ODR4: variants seen among roughly 807,000 people sequenced by gnomAD.
ODR4 encodes the protein odr-4 GPCR localization factor homolog, also known as protein odr-4 homolog.
Under a neutral mutation model 60.2 loss-of-function variants are expected in ODR4, and 47 were observed. That is an observed-to-expected ratio of 0.78 (90% CI 0.62 to 1.00). The LOEUF is 1.00. ODR4 is among the 50% of genes least tolerant of loss of function. The pLI, the probability that ODR4 is intolerant of heterozygous loss-of-function variation, is 0.00. For synonymous variants in ODR4, 178 were observed against 175.5 expected, an observed-to-expected ratio of 1.01 and a Z score of -0.11; for missense variants, 488 against 530.8, an observed-to-expected ratio of 0.92 and a Z score of 0.79.
chr1:186,377,949 G>A (rs1168288809), intron 1 of ODR4, among the ~76,000 whole-genome samples: 2 of 152,174 alleles, frequency 1.3e-5, no homozygotes, highest in East Asian at 1.9e-4. Flanking sequence ...GGAGGCTGAG[G>A]CAGGAGAATG....
intron 11 of ODR4, chr1:186,401,466 T>TTCTA (rs1553236824): frequency 5.4e-5 from 11 of 203,008 alleles, no homozygotes; most frequent in Non-Finnish European, 1.2e-4. Flanking sequence ...TCGTCCGTCT[T>TTCTA]TCTGTCTGTC....
At chr1:186,386,211 T>C in intron 4 of ODR4, 128 bp downstream of exon 4, 2 of 528,478 alleles carry the variant, frequency 3.8e-6, no homozygotes, top group Admixed American at 4.1e-5. Flanking sequence ...TGGGGTTACA[T>C]TGAAAAAGCT....
rs143147690 is a variant in ODR4, at chr1:186,402,110, G to A, written c.1000+3066G>A. On this transcript the variant is annotated intron_variant, in intron 11 of 13. Transcript: ENST00000287859. ...CTTTTTCTTCTTCCTTTCTTTCTAC[G>A]AAGACAAGTTCTCTGGTTCTGTGTC... 5.6e-3 allele frequency among the ~76,000 whole-genome samples: 845 copies of A among 151,244 alleles called. 6 individuals are homozygous for A. Among genetic ancestry groups the A allele is most frequent in the African/African-American group, 0.019 (779 of 41,188 alleles).
intron 4 of ODR4, among the ~76,000 whole-genome samples, chr1:186,387,344 T>G (rs1286569362): frequency 6.6e-6 from 1 of 152,204 alleles, no homozygotes; most frequent in South Asian, 2.1e-4. Flanking sequence ...TTTTGAAATT[T>G]AACCGAAATC....
At position 186,418,506 on chromosome 1, in the gene ODR4, A is replaced by G. The variant is rs139926851; in HGVS notation, c.1298-503A>G. Among the ~76,000 whole-genome samples the G allele has an allele frequency of 1.5e-4, 23 of 152,244 alleles. No individual in the cohort carries two copies. The East Asian group carries it at 4.2e-3, about 28-fold the overall frequency. On this transcript the variant is annotated intron_variant, in intron 13 of 13. Transcript: ENST00000287859. Reference sequence around the variant, plus strand: ...GGGGATTTTCTTTCTTTAGCTTACTATAATCAGGAAAAAATAAAAGTTACA... The same window carrying G: ...GGGGATTTTCTTTCTTTAGCTTACTGTAATCAGGAAAAAATAAAAGTTACA...
At chr1:186,393,109 C>T (rs1166428447) in intron 8 of ODR4, among the ~76,000 whole-genome samples, 2 of 152,014 alleles carry the variant, frequency 1.3e-5, no homozygotes, top group African/African-American at 2.4e-5. Flanking sequence ...AACACATGGA[C>T]ACATAGAGGG....
chr1:186,385,944 A>G (rs1660232861), intron 3 of ODR4, 44 bp from the exon 4 acceptor site: 2 of 1,250,712 alleles, frequency 1.6e-6, no homozygotes, highest in Admixed American at 1.9e-5. Flanking sequence ...AAAGGATTGC[A>G]TATAATGCCA....
chr1:186,396,760 T>TAGATAGATAGATAG (rs879338626), intron 9 of ODR4, among the ~76,000 whole-genome samples: 28 of 117,140 alleles, frequency 2.4e-4, no homozygotes, highest in African/African-American at 8.5e-4. Context: ...TAGATAGATA[T>TAGATAGATAGATAG]ATGTATATAC....
intron 12 of ODR4, 82 bp downstream of exon 12, chr1:186,406,350 T>C: frequency 9.3e-7 from 1 of 1,075,212 alleles, no homozygotes; most frequent in Non-Finnish European, 1.3e-6. Context: ...AAATATCATG[T>C]CTTTAGATTT....
At chr1:186,391,635 T>G in intron 7 of ODR4, 61 bp from the exon 8 acceptor site, 2 of 1,003,884 alleles carry the variant, frequency 2.0e-6, no homozygotes, top group African/African-American at 3.2e-5. Flanking sequence ...AAGTAGATTA[T>G]AGGAAGTTTA....
the ODR4 span, among the ~76,000 whole-genome samples, chr1:186,430,185 T>G: frequency 1.3e-5 from 2 of 152,124 alleles, no homozygotes; most frequent in Non-Finnish European, 2.9e-5. Context: ...AAATAACTAT[T>G]ATCTTTGTCT....
In ODR4 at chr1:186,419,288, C is replaced by G. The variant is rs987360523; in HGVS notation, c.*212C>G. 1 of 554,744 alleles carries G rather than the reference C, an allele frequency of 1.8e-6. No individual in the cohort carries two copies. The highest frequency in any genetic ancestry group is 1.9e-5 in the African/African-American group (1 of 53,008). The allele number at this position is 554,744 out of a possible 1,614,324, so 34.4% of individuals were successfully genotyped here. On this transcript the variant is annotated 3_prime_UTR_variant, in exon 14 of 14. Coordinates refer to ENST00000287859, the MANE Select transcript of ODR4 (RefSeq NM_017847.6). ...AGGTGGCCCGCATTTCCAGAAATAACGTTATGCATCTAGATGGAAGCTGCA... is the reference window on the plus strand; with the variant it reads ...AGGTGGCCCGCATTTCCAGAAATAAGGTTATGCATCTAGATGGAAGCTGCA...
intron 12 of ODR4, among the ~76,000 whole-genome samples, chr1:186,414,035 G>A (rs1226401781): frequency 6.6e-6 from 1 of 152,068 alleles, no homozygotes; most frequent in Non-Finnish European, 1.5e-5. Context: ...GAATCACTGT[G>A]TTATTTGCAT....
chr1:186,417,589 C>T lies in ODR4; in HGVS notation c.1232C>T (p.Thr411Ile). The T allele has an allele frequency of 6.2e-7, 1 of 1,603,386 alleles. No homozygotes were observed. Among genetic ancestry groups the T allele is most frequent in the Non-Finnish European group, 8.5e-7 (1 of 1,173,952 alleles). ...AATAGTCAAGCTTCATTGGACAACA[C>T]AGATGATGAACAACCAAAACAACCA... is the stretch of plus-strand genomic sequence containing the variant. ...SMNSQASLDN[T>I]DDEQPKQPIK... is the part of the protein sequence containing the mutation. Residue 411 changes from threonine to isoleucine, a missense_variant, in exon 13 of 14, where the codon ACA becomes ATA. Transcript: ENST00000287859.
Position 186,417,215 on chromosome 1 carries a change from A to G in ODR4, c.1187-329A>G, listed in dbSNP as rs564733983. 1.5e-4 allele frequency among the ~76,000 whole-genome samples: 23 copies of G among 152,242 alleles called. No individual in the cohort carries two copies. In the East Asian group the frequency reaches 3.9e-3, roughly 26 times the overall value. On this transcript the variant is annotated intron_variant, in intron 12 of 13. Coordinates refer to ENST00000287859, the MANE Select transcript of ODR4 (RefSeq NM_017847.6). Reference sequence around the variant, plus strand: ...TGAGCTCAGGCACTCTGCCTGCCTCAGCCTCCCAAAGTGCTGGGATTACAG... The same window carrying G: ...TGAGCTCAGGCACTCTGCCTGCCTCGGCCTCCCAAAGTGCTGGGATTACAG...
the ODR4 span, among the ~76,000 whole-genome samples, chr1:186,433,393 G>A: frequency 6.6e-6 from 1 of 151,644 alleles, no homozygotes; most frequent in African/African-American, 2.4e-5. Context: ...TTAGATGTAT[G>A]TGTATTTATT....
intron 1 of ODR4, among the ~76,000 whole-genome samples, chr1:186,379,548 T>C (rs971364622): frequency 1.2e-4 from 19 of 152,026 alleles, no homozygotes; most frequent in African/African-American, 4.3e-4. Context: ...ATGTCAACTC[T>C]GGTTGATTTG....
chr1:186,387,406 G>A lies in ODR4; in HGVS notation c.331-1036G>A, dbSNP rs143578962. ...CATTGTGCAACCTTTTTTGGCTGGT[G>A]CTGAATTGAGGGGGTTGAATGTGGG... On this transcript the variant is annotated intron_variant, in intron 4 of 13. Coordinates refer to ENST00000287859, the MANE Select transcript of ODR4 (RefSeq NM_017847.6). Among the ~76,000 whole-genome samples, 1,136 of 152,252 alleles carry A rather than the reference G, an allele frequency of 7.5e-3. 19 individuals carry two copies. The highest frequency in any genetic ancestry group is 0.025 in the African/African-American group (1,031 of 41,540).
intron 12 of ODR4, among the ~76,000 whole-genome samples, chr1:186,416,173 G>A (rs1020758638): frequency 1.1e-4 from 17 of 152,076 alleles, no homozygotes; most frequent in African/African-American, 4.1e-4. Flanking sequence ...GTACTGCAAC[G>A]TGCTGGTCAG....
Sources: gnomAD v4.1 joint callset for allele counts (sites outside exome capture counted in the v4.1 genomes callset) on GRCh38, gnomAD v4.1.1 for gene constraint, MANE v1.5 for transcripts, NCBI Gene and HGNC (gene_info 2026-07-23, HGNC 2026-07-21) for gene names.